The following MROH1 variants were observed in gnomAD, a reference collection of about 807,000 sequenced individuals.
The protein encoded by MROH1 is maestro heat like repeat family member 1, also known as maestro heat-like repeat-containing protein family member 1.
MROH1 carries 117 observed loss-of-function variants against 116.5 expected under a neutral mutation model. The ratio of observed to expected loss-of-function variants is 1.00; its 90% CI spans 0.86 to 1.17. The LOEUF is 1.17. MROH1 is among the 50% of genes most tolerant of loss of function. The pLI is 0.00. For missense variants in MROH1, 1,873 were observed against 1,338.5 expected, an observed-to-expected ratio of 1.40 and a Z score of -6.23; for synonymous variants, 921 against 583.9, an observed-to-expected ratio of 1.58 and a Z score of -8.32.
intron 4 of MROH1, among the ~76,000 whole-genome samples, chr8:144,168,855 G>A (rs547231792): frequency 1.4e-4 from 21 of 152,320 alleles, no homozygotes; most frequent in Admixed American, 7.2e-4. Context: ...CCAAGGGCCC[G>A]GCGCTGCTGG....
chr8:144,180,608 G>A lies in MROH1; in HGVS notation c.562+85G>A, dbSNP rs866805996. ...GGCATGCCTGTTTTAGGGGGGACAG[G>A]TGGGCACTTTAGGCTGCAGGAAGGG... is the stretch of plus-strand genomic sequence containing the variant. On this transcript the variant is annotated intron_variant, in intron 7 of 43. Transcript: ENST00000326134. This position sits in a 1 kb window ranked among gnomAD's most constrained non-coding sequence, Gnocchi z 7.4. 1 of 1,344,606 alleles carries A rather than the reference G, an allele frequency of 7.4e-7. No individual in the cohort carries two copies. The allele number at this position is 1,344,606 out of a possible 1,614,324, so 83.3% of individuals were successfully genotyped here. A position where few individuals can be genotyped will look rare whatever the true frequency, so the allele number is the denominator to read the frequency against.
chr8:144,190,887 C>G lies in MROH1; in HGVS notation c.666C>G (p.Ser222Arg). Residue 222 changes from serine (S) to arginine (R), a missense_variant, in exon 8 of 44, where the codon AGC (serine) becomes AGG (arginine). Transcript: ENST00000326134. ...ACGCCTTTGCCACCGACATCTTCAG[C>G]GCCTACGATGTTCTCTTCCATCAGT... is the stretch of plus-strand genomic sequence containing the variant. ...RKDAFATDIFSAYDVLFHQWL... is the reference protein window; with the variant it reads ...RKDAFATDIFRAYDVLFHQWL... 1.2e-6 allele frequency: 2 copies of G among 1,613,764 alleles called. No individual in the cohort carries two copies. The highest frequency in any genetic ancestry group is 1.7e-6 in the Non-Finnish European group (2 of 1,179,884).
intron 10 of MROH1, 79 bp downstream of exon 10, chr8:144,192,480 A>G: frequency 1.5e-6 from 2 of 1,319,902 alleles, no homozygotes; most frequent in African/African-American, 1.4e-5. Flanking sequence ...GGGTGCAGAA[A>G]GCAAGTTGGG....
At chr8:144,181,040 G>A (rs1033781777) in intron 7 of MROH1, among the ~76,000 whole-genome samples, 2 of 152,140 alleles carry the variant, frequency 1.3e-5, no homozygotes, top group Admixed American at 1.3e-4. Context: ...GTGGTTGGTG[G>A]GATTGGAGGG....
At position 144,244,331 on chromosome 8, in the gene MROH1, C is replaced by T; in HGVS notation, c.2665C>T (p.Gln889Ter). 1.4e-6 allele frequency: 1 copy of T among 720,370 alleles called. No homozygotes were observed. Among genetic ancestry groups the T allele is most frequent in the Admixed American group, 2.0e-5 (1 of 50,156 alleles). 44.6% of individuals were successfully genotyped at this position (720,370 alleles called of 1,614,324 possible). A position where few individuals can be genotyped will look rare whatever the true frequency, so the allele number is the denominator to read the frequency against. Residue 889 changes from glutamine (Q) to a stop codon, truncating the protein, a stop_gained, in exon 27 of 44, where the codon CAG (glutamine) becomes TAG (stop). Coordinates refer to ENST00000326134, the MANE Select transcript of MROH1 (RefSeq NM_032450.3). LOFTEE classifies it high-confidence loss of function. Reference protein sequence around the residue: ...PEPKEEDGGCQKSLYLETLHA... With the variant: ...PEPKEEDGGC ...GCCCAAGGAGGAGGACGGAGGCTGC[C>T]AGAAGGTATCCCTGTGTTTCCCTTG...
In MROH1 at chr8:144,249,049, G is replaced by A. The variant is rs894821182; in HGVS notation, c.3273+20G>A. ...GAGAAGGTGGGAGAGGGCGGGGCGC[G>A]GGGGGTGCTCCAGGAGAAGGTGGGA... On this transcript the variant is annotated intron_variant, in intron 32 of 43. Transcript: ENST00000326134. 42 of 686,964 alleles carry A rather than the reference G, an allele frequency of 6.1e-5. No individual in the cohort carries two copies. Among genetic ancestry groups the A allele is most frequent in the Admixed American group, 4.6e-4 (22 of 48,164 alleles). The allele number at this position is 686,964 out of a possible 1,614,324, so 42.6% of individuals were successfully genotyped here. A position where few individuals can be genotyped will look rare whatever the true frequency, so the allele number is the denominator to read the frequency against.
intron 4 of MROH1, among the ~76,000 whole-genome samples, chr8:144,178,652 T>C (rs956066434): frequency 3.3e-5 from 5 of 152,182 alleles, no homozygotes; most frequent in African/African-American, 1.2e-4. Flanking sequence ...GTGCCGGCCA[T>C]GTTGCCTGGT....
At chr8:144,193,289 A>T (rs1445566230) in intron 10 of MROH1, 1 of 152,348 alleles carries the variant, frequency 6.6e-6, no homozygotes, top group Non-Finnish European at 1.5e-5. Context: ...AGAGAATTGA[A>T]TAAGCCAATA....
At position 144,180,500 on chromosome 8, in the gene MROH1, C is replaced by T. The variant is rs145624802; in HGVS notation, c.539C>T (p.Thr180Met). The T allele has an allele frequency of 1.2e-3, 1,863 of 1,611,290 alleles. 11 individuals carry two copies. In the African/African-American group the frequency reaches 0.022, roughly 19 times the overall value. Residue 180 changes from threonine to methionine, a missense_variant, in exon 7 of 44, where the codon ACG becomes ATG. By Grantham distance (81) the Thr-to-Met change is moderately conservative. Transcript: ENST00000326134. The surrounding 1 kb of genome is among the most constrained non-coding windows in gnomAD (Gnocchi z 7.4). ...LPVLGVAKQDTVRVAFCSALQ... is the reference protein window; with the variant it reads ...LPVLGVAKQDMVRVAFCSALQ... Reference sequence around the variant, plus strand: ...GTGCTGGGCGTGGCCAAGCAGGACACGGTGCGCGTGGCCTTCTGCTCCGGT... The same window carrying T: ...GTGCTGGGCGTGGCCAAGCAGGACATGGTGCGCGTGGCCTTCTGCTCCGGT...
chr8:144,234,498 G>GGTTTTT (rs1839618125), intron 14 of MROH1, among the ~76,000 whole-genome samples: 2 of 18,090 alleles, frequency 1.1e-4, no homozygotes, highest in African/African-American at 1.7e-4. Flanking sequence ...TTTCTTTTTC[G>GGTTTTT]TTTTTTTTTT....
intron 14 of MROH1, among the ~76,000 whole-genome samples, chr8:144,226,013 C>A (rs1222864614): frequency 1.4e-5 from 2 of 144,824 alleles, no homozygotes; most frequent in African/African-American, 5.1e-5. Context: ...CTCCTGGGTT[C>A]AAGCAATTCT....
At chr8:144,221,080 C>G (rs1394344853) in intron 13 of MROH1, among the ~76,000 whole-genome samples, 1 of 152,188 alleles carries the variant, frequency 6.6e-6, no homozygotes, top group African/African-American at 2.4e-5. Context: ...CAGCCATCCT[C>G]CCCTGGGGTC....
Position 144,261,782 on chromosome 8 carries a change from C to G in MROH1, c.*42C>G, listed in dbSNP as rs969995813. ...CCCAGCGAGGAGTATGCACCCAGAC[C>G]TGTGCCTGAGCTCCAAGACAGGGCC... On this transcript the variant is annotated 3_prime_UTR_variant, in exon 44 of 44. Transcript: ENST00000326134. 1.7e-5 allele frequency: 12 copies of G among 701,940 alleles called. No homozygotes were observed. The highest frequency in any genetic ancestry group is 1.0e-4 in the Admixed American group (5 of 50,090). The allele number at this position is 701,940 out of a possible 1,614,324, so 43.5% of individuals were successfully genotyped here. A position where few individuals can be genotyped will look rare whatever the true frequency, so the allele number is the denominator to read the frequency against.
At chr8:144,213,126 C>G (rs1254932652) in intron 12 of MROH1, 1 of 770,340 alleles carries the variant, frequency 1.3e-6, no homozygotes, top group Non-Finnish European at 2.4e-6. Flanking sequence ...GCTTGAGTCA[C>G]CACGGCTGTT....
intron 12 of MROH1, 138 bp downstream of exon 12, chr8:144,200,679 T>C (rs1403656515): frequency 2.9e-6 from 2 of 701,318 alleles, no homozygotes; most frequent in African/African-American, 3.6e-5. Flanking sequence ...CTTACTATTT[T>C]GCAAAATTCT....
At chr8:144,205,896 G>A (rs942222361) in intron 12 of MROH1, among the ~76,000 whole-genome samples, 2 of 152,108 alleles carry the variant, frequency 1.3e-5, no homozygotes, top group Admixed American at 1.3e-4. Context: ...GCAGTAAAAT[G>A]CATAAATCTT....
At chr8:144,254,688 GGCTGCA>G in intron 33 of MROH1, 119 bp from the exon 34 acceptor site, 1 of 614,244 alleles carries the variant, frequency 1.6e-6, no homozygotes, top group Admixed American at 2.7e-5. Flanking sequence ...TTTCCCAGCT[GGCTGCA>G]GCTGAGCCTG....
intron 35 of MROH1, 109 bp from the exon 36 acceptor site, chr8:144,258,664 ATAGG>A (rs1844384740): frequency 2.9e-6 from 2 of 692,020 alleles, no homozygotes; most frequent in South Asian, 3.0e-5. Flanking sequence ...TCTGGCAGGG[ATAGG>A]GCTAGCCACC....
At chr8:144,219,959 C>T (rs982638877) in intron 12 of MROH1, among the ~76,000 whole-genome samples, 9 of 152,198 alleles carry the variant, frequency 5.9e-5, no homozygotes, top group Admixed American at 4.6e-4. Flanking sequence ...ATTGGGTTGT[C>T]GTGACCCTTC....
Sources: gnomAD v4.1 joint callset for allele counts (sites outside exome capture counted in the v4.1 genomes callset) on GRCh38, gnomAD v4.1.1 for gene constraint, Gnocchi (gnomAD v3.1) non-coding constraint, MANE v1.5 for transcripts, NCBI Gene and HGNC (gene_info 2026-07-23, HGNC 2026-07-21) for gene names.